DACH1: variants seen among roughly 807,000 people sequenced by gnomAD.
The protein encoded by DACH1 is dachshund family transcription factor 1.
A neutral mutation model predicts 54.2 loss-of-function variants in DACH1; 12 were observed. The ratio of observed to expected loss-of-function variants is 0.22; its 90% CI spans 0.14 to 0.36. The LOEUF (loss-of-function observed/expected upper bound fraction) is 0.36, where lower values mean the gene tolerates loss of function less well. DACH1 is among the 10% of genes least tolerant of loss of function. The pLI is 1.00. For synonymous variants in DACH1, 386 were observed against 366.2 expected, an observed-to-expected ratio of 1.05 and a Z score of -0.62; for missense variants, 805 against 929.8, an observed-to-expected ratio of 0.87 and a Z score of 1.75.
At chr13:71,535,387 C>A (rs1566322862) in intron 6 of DACH1, among the ~76,000 whole-genome samples, 1 of 151,748 alleles carries the variant, frequency 6.6e-6, no homozygotes, top group African/African-American at 2.4e-5. Context: ...TTAAGATTTT[C>A]ATTTAAAATT....
intron 1 of DACH1, among the ~76,000 whole-genome samples, chr13:71,768,143 C>G (rs142730297): frequency 8.6e-5 from 13 of 151,870 alleles, no homozygotes; most frequent in African/African-American, 2.9e-4. Context: ...CCAGTCCCAG[C>G]GATTCAATCA....
At chr13:71,668,650 T>C (rs574528400) in intron 2 of DACH1, among the ~76,000 whole-genome samples, 102 of 151,636 alleles carry the variant, frequency 6.7e-4, no homozygotes, top group Middle Eastern at 3.4e-3. Context: ...ATGGGCCCAA[T>C]GCATTGGCTC....
At chr13:71,627,410 T>C (rs1438944711) in intron 3 of DACH1, among the ~76,000 whole-genome samples, 3 of 151,278 alleles carry the variant, frequency 2.0e-5, no homozygotes, top group Non-Finnish European at 2.9e-5. Flanking sequence ...AACAAGAGCC[T>C]TGAATTGTCT....
At chr13:71,528,091 A>G (rs1882132494) in intron 6 of DACH1, among the ~76,000 whole-genome samples, 1 of 151,958 alleles carries the variant, frequency 6.6e-6, no homozygotes, top group East Asian at 1.9e-4. Context: ...AAAATGAGAA[A>G]GAATAATCCA....
intron 10 of DACH1, among the ~76,000 whole-genome samples, chr13:71,458,744 T>C (rs1371897450): frequency 2.0e-5 from 3 of 151,926 alleles, no homozygotes; most frequent in African/African-American, 4.8e-5. Context: ...TTCTGTTTCA[T>C]ATAATAAAAT....
At chr13:71,552,824 T>C (rs1252518335) in intron 6 of DACH1, among the ~76,000 whole-genome samples, 1 of 51,018 alleles carries the variant, frequency 2.0e-5, no homozygotes, top group African/African-American at 8.4e-5. Context: ...TATATATATA[T>C]ATATATATAT....
At chr13:71,593,517 A>G (rs1217889035) in intron 3 of DACH1, among the ~76,000 whole-genome samples, 1 of 152,068 alleles carries the variant, frequency 6.6e-6, no homozygotes, top group Non-Finnish European at 1.5e-5. Flanking sequence ...TGGCATTTTT[A>G]TTTCTATCAA....
At position 71,676,707 on chromosome 13, in the gene DACH1, A is replaced by T. The variant is rs577243029; in HGVS notation, c.964+5088T>A. 2.6e-5 allele frequency among the ~76,000 whole-genome samples: 4 copies of T among 152,290 alleles called. No homozygotes were observed. In the South Asian group the frequency reaches 6.2e-4, roughly 24 times the overall value. On this transcript the variant is annotated intron_variant, in intron 2 of 10. Transcript: ENST00000613252. Reference sequence around the variant, plus strand: ...ACTACATGAGAACATTTTTCTCTAAATTTTTTTAAAGATAAGAATGTTTCA... The same window carrying T: ...ACTACATGAGAACATTTTTCTCTAATTTTTTTTAAAGATAAGAATGTTTCA...
chr13:71,781,488 C>T (rs1422799324), intron 1 of DACH1, among the ~76,000 whole-genome samples: 1 of 151,854 alleles, frequency 6.6e-6, no homozygotes, highest in Non-Finnish European at 1.5e-5. Context: ...ATGCCATTCT[C>T]CTGCCTCAGC....
At chr13:71,504,400 T>A (rs1880151892) in intron 6 of DACH1, among the ~76,000 whole-genome samples, 2 of 152,228 alleles carry the variant, frequency 1.3e-5, no homozygotes, top group South Asian at 4.1e-4. Context: ...TGTAATAGTA[T>A]GAATGCCTCA....
chr13:71,678,662 CT>C (rs918368708), intron 2 of DACH1, among the ~76,000 whole-genome samples: 12 of 142,912 alleles, frequency 8.4e-5, no homozygotes, highest in African/African-American at 2.0e-4. Flanking sequence ...TTCCTTCTTT[CT>C]TTTTTTTCTT....
chr13:71,658,145 T>G lies in DACH1; in HGVS notation c.964+23650A>C, dbSNP rs566866584. Among the ~76,000 whole-genome samples the G allele has an allele frequency of 1.2e-4, 18 of 152,332 alleles. No individual in the cohort carries two copies. In the South Asian group the frequency reaches 1.7e-3, roughly 14 times the overall value. ...AATGTTTGAAAATATCATATCACAATAATTATGGTGATTTCCCCTATCAAG... is the reference window on the plus strand; with the variant it reads ...AATGTTTGAAAATATCATATCACAAGAATTATGGTGATTTCCCCTATCAAG... On this transcript the variant is annotated intron_variant, in intron 2 of 10. Coordinates refer to ENST00000613252, the MANE Select transcript of DACH1 (RefSeq NM_080759.6).
chr13:71,775,440 T>G (rs1886028245), intron 1 of DACH1, among the ~76,000 whole-genome samples: 1 of 152,114 alleles, frequency 6.6e-6, no homozygotes, highest in African/African-American at 2.4e-5. Context: ...GTATGTTCAT[T>G]TCACTTTCTA....
At chr13:71,720,963 T>C in intron 1 of DACH1, among the ~76,000 whole-genome samples, 1 of 152,180 alleles carries the variant, frequency 6.6e-6, no homozygotes, top group East Asian at 1.9e-4. Context: ...AAAATGCATT[T>C]CTCTCTTACT....
At chr13:71,779,267 A>ACACC (rs1886259622) in intron 1 of DACH1, among the ~76,000 whole-genome samples, 2 of 69,380 alleles carry the variant, frequency 2.9e-5, no homozygotes, top group Non-Finnish European at 5.8e-5. Flanking sequence ...ATATATGTGT[A>ACACC]TATATACGTA....
Position 71,721,806 on chromosome 13 carries a change from T to A in DACH1, c.849-39896A>T, listed in dbSNP as rs112751154. 7.5e-3 allele frequency among the ~76,000 whole-genome samples: 1,146 copies of A among 152,272 alleles called. 21 individuals carry two copies. The highest frequency in any genetic ancestry group is 0.026 in the African/African-American group (1,085 of 41,584). On this transcript the variant is annotated intron_variant, in intron 1 of 10. Coordinates refer to ENST00000613252, the MANE Select transcript of DACH1 (RefSeq NM_080759.6). The stretch of plus-strand genomic sequence containing the variant: ...GAAAAAAAGAAATATGATATCCATT[T>A]AAAAAATAAGATTTTAGATGAAAGT...
intron 1 of DACH1, among the ~76,000 whole-genome samples, chr13:71,835,617 G>GTA (rs1279242106): frequency 2.6e-5 from 4 of 152,002 alleles, no homozygotes; most frequent in Non-Finnish European, 4.4e-5. Context: ...GTCCATGACT[G>GTA]TATATATCCC....
intron 2 of DACH1, among the ~76,000 whole-genome samples, chr13:71,676,624 G>C (rs1201065962): frequency 7.2e-5 from 11 of 152,078 alleles, no homozygotes; most frequent in Non-Finnish European, 1.6e-4. Context: ...AGATATTGTT[G>C]CTGTTTACTA....
chr13:71,685,505 G>A (rs1429727166), intron 1 of DACH1, among the ~76,000 whole-genome samples: 5 of 152,070 alleles, frequency 3.3e-5, no homozygotes, highest in Admixed American at 6.6e-5. Flanking sequence ...TGAACCTCTC[G>A]TTGGAGTTAT....
Sources: gnomAD v4.1 joint callset for allele counts (sites outside exome capture counted in the v4.1 genomes callset) on GRCh38, gnomAD v4.1.1 for gene constraint, MANE v1.5 for transcripts, NCBI Gene and HGNC (gene_info 2026-07-23, HGNC 2026-07-21) for gene names.